FAM178B: variants seen among roughly 807,000 people sequenced by gnomAD.
The protein encoded by FAM178B is family with sequence similarity 178 member B.
FAM178B carries 82 observed loss-of-function variants against 91.7 expected under a neutral mutation model. The observed-to-expected ratio is 0.89, with a 90% confidence interval of 0.75 to 1.07. The LOEUF is 1.07. Ranked by LOEUF, FAM178B falls within the 50% of genes least tolerant of loss-of-function variation. The pLI is 0.00. For missense variants in FAM178B, 769 were observed against 846.7 expected (o/e 0.91, Z 1.14); for synonymous variants, 368 against 359.4 (o/e 1.02, Z -0.27).
At chr2:96,949,115 C>T (rs1176023148) in intron 7 of FAM178B, among the ~76,000 whole-genome samples, 3 of 152,206 alleles carry the variant, frequency 2.0e-5, no homozygotes, top group Non-Finnish European at 4.4e-5. Context: ...TCCACTCTCC[C>T]GGCAAGGCTG....
chr2:96,921,146 G>A lies in FAM178B; in HGVS notation c.1562+19C>T, dbSNP rs1381066748. On this transcript the variant is annotated intron_variant, in intron 12 of 16. Transcript: ENST00000490605. ...AGATGCGTGTGAGAGGGAGGAGGCAGCGGGGGAGCAGCACGCACCTGCTCC... is the reference window on the plus strand; with the variant it reads ...AGATGCGTGTGAGAGGGAGGAGGCAACGGGGGAGCAGCACGCACCTGCTCC... The A allele has an allele frequency of 6.5e-7, 1 of 1,542,370 alleles. No individual in the cohort carries two copies. The highest frequency in any genetic ancestry group is 1.2e-5 in the South Asian group (1 of 83,834).
At position 96,967,574 on chromosome 2, in the gene FAM178B, T is replaced by C; in HGVS notation, c.680A>G (p.Asn227Ser). 2 of 1,550,786 alleles carry C rather than the reference T, an allele frequency of 1.3e-6. No homozygotes were observed. Among genetic ancestry groups the C allele is most frequent in the Non-Finnish European group, 1.7e-6 (2 of 1,146,948 alleles). ...TTCATCAAGATCCAAGGAGTTGAGA[T>C]TGAGACACTCCTGCAGAAGCAGCCT... ...RERLLLQECL[N>S]LNSLDLDEEE... Residue 227 changes from asparagine (N) to serine (S), a missense_variant, in exon 5 of 17, where the codon AAT becomes AGT. By Grantham distance (46) the Asn-to-Ser change is conservative. Coordinates refer to ENST00000490605, the MANE Select transcript of FAM178B (RefSeq NM_001122646.3).
chr2:96,966,965 C>T (rs2082151008), intron 5 of FAM178B, among the ~76,000 whole-genome samples: 3 of 152,184 alleles, frequency 2.0e-5, no homozygotes, highest in Admixed American at 1.3e-4. Context: ...CAGTCTATGG[C>T]CCTTTGTTCT....
In FAM178B at chr2:96,877,910, G is replaced by A. The variant is rs1327513246; in HGVS notation, c.1987C>T (p.Leu663=). Residue 663 remains leucine (L), a synonymous_variant, in exon 16 of 17, where the codon CTG becomes TTG. Transcript: ENST00000490605. ...TQTYIRWQEL[L]THCQPQAQYF... ...ACCACCTGGGGCTGGCAGTGGGTCA[G>A]CAGCTCCTGCCAACGGATGTAGGTC... 2.4e-5 allele frequency: 38 copies of A among 1,613,344 alleles called. No individual in the cohort carries two copies. Among genetic ancestry groups the A allele is most frequent in the Non-Finnish European group, 3.2e-5 (38 of 1,180,016 alleles).
intron 9 of FAM178B, among the ~76,000 whole-genome samples, chr2:96,927,997 C>T (rs779556554): frequency 2.9e-4 from 44 of 152,174 alleles, no homozygotes; most frequent in South Asian, 6.2e-4. Flanking sequence ...CTGCGAGCTC[C>T]GGGAGGGAAA....
chr2:96,884,300 C>T (rs1385237665), intron 14 of FAM178B, among the ~76,000 whole-genome samples: 1 of 152,200 alleles, frequency 6.6e-6, no homozygotes, highest in Non-Finnish European at 1.5e-5. Context: ...GCAGGACAAG[C>T]TCCCCGGGTG....
intron 12 of FAM178B, among the ~76,000 whole-genome samples, chr2:96,909,842 T>C (rs371955945): frequency 3.3e-5 from 5 of 152,184 alleles, no homozygotes; most frequent in Non-Finnish European, 7.3e-5. Context: ...GTTCCATTAA[T>C]AGCCTCATCC....
intron 6 of FAM178B, chr2:96,951,874 A>C (rs1417492719): frequency 5.8e-6 from 1 of 173,102 alleles, no homozygotes; most frequent in African/African-American, 2.4e-5. Flanking sequence ...TACAAAAATT[A>C]GCCAGGCATG....
At position 96,972,106 on chromosome 2, in the gene FAM178B, G is replaced by A. The variant is rs750505400; in HGVS notation, c.359C>T (p.Pro120Leu). 25 of 1,523,112 alleles carry A rather than the reference G, an allele frequency of 1.6e-5. No individual in the cohort carries two copies. The highest frequency in any genetic ancestry group is 1.2e-4 in the African/African-American group (9 of 72,180). 94.3% of individuals were successfully genotyped at this position (1,523,112 alleles called of 1,614,324 possible). Residue 120 changes from proline to leucine, a missense_variant, in exon 3 of 17, where the codon CCG becomes CTG. Pro to Leu is a moderately conservative substitution (Grantham distance 98). Transcript: ENST00000490605. ...WSPPPVEFLN[P>L]RVLQASREAP... ...CTCCCGACTGGCCTGCAGCACCCTCGGGTTGAGGAATTCCACGGGCGGGGG... is the reference window on the plus strand; with the variant it reads ...CTCCCGACTGGCCTGCAGCACCCTCAGGTTGAGGAATTCCACGGGCGGGGG...
intron 14 of FAM178B, among the ~76,000 whole-genome samples, chr2:96,886,508 G>A (rs956475720): frequency 2.0e-5 from 3 of 152,240 alleles, no homozygotes; most frequent in Non-Finnish European, 4.4e-5. Context: ...GAGCCTGCCT[G>A]GGAAGGCGCC....
chr2:96,893,697 G>A (rs931538396), intron 14 of FAM178B, among the ~76,000 whole-genome samples: 1 of 152,062 alleles, frequency 6.6e-6, no homozygotes, highest in Non-Finnish European at 1.5e-5. Flanking sequence ...CTACACCTGC[G>A]CACAGGGCGT....
At chr2:96,967,911 CTTTTTTTT>C (rs60965536) in intron 4 of FAM178B, among the ~76,000 whole-genome samples, 22 of 62,444 alleles carry the variant, frequency 3.5e-4, no homozygotes, top group South Asian at 5.3e-4. Flanking sequence ...CCTGTTTGGT[CTTTTTTTT>C]TTTTTTTTTT....
At chr2:96,882,573 C>T (rs1197411869) in intron 14 of FAM178B, among the ~76,000 whole-genome samples, 1 of 152,246 alleles carries the variant, frequency 6.6e-6, no homozygotes, top group Non-Finnish European at 1.5e-5. Context: ...AGGCACGGTT[C>T]ATCTTCCCTT....
chr2:96,982,545 G>T (rs1031419061), intron 1 of FAM178B, among the ~76,000 whole-genome samples: 1 of 152,008 alleles, frequency 6.6e-6, no homozygotes, highest in Non-Finnish European at 1.5e-5. Flanking sequence ...TTACAGGCAT[G>T]AGCCACCGCA....
intron 14 of FAM178B, among the ~76,000 whole-genome samples, chr2:96,882,613 A>C (rs1329153777): frequency 6.6e-6 from 1 of 152,242 alleles, no homozygotes; most frequent in South Asian, 2.1e-4. Flanking sequence ...GGCTGAGCCC[A>C]GGCTGCACTC....
At chr2:96,977,383 T>A (rs1574325787) in intron 1 of FAM178B, among the ~76,000 whole-genome samples, 2 of 66,612 alleles carry the variant, frequency 3.0e-5, no homozygotes, top group Admixed American at 2.1e-4. Flanking sequence ...AGACTCCGTC[T>A]CAAAAAAAAA....
In FAM178B at chr2:96,947,911, A is replaced by G. The variant is rs1296485084; in HGVS notation, c.994-9T>C. On this transcript the variant is annotated splice_polypyrimidine_tract_variant and intron_variant, in intron 7 of 16. Transcript: ENST00000490605. ...GGAGGCCATGTCAGCAGCTAGGTGG[A>G]AAAAAAAAACAAAAACAAAAACCTG... 7 of 1,391,592 alleles carry G rather than the reference A, an allele frequency of 5.0e-6. No homozygotes were observed. The Admixed American group carries it at 1.1e-4, about 23-fold the overall frequency. The allele number at this position is 1,391,592 out of a possible 1,614,324, so 86.2% of individuals were successfully genotyped here. A position where few individuals can be genotyped will look rare whatever the true frequency, so the allele number is the denominator to read the frequency against.
chr2:96,890,482 T>C (rs1201893403), intron 14 of FAM178B, among the ~76,000 whole-genome samples: 1 of 151,828 alleles, frequency 6.6e-6, no homozygotes, highest in Admixed American at 6.6e-5. Context: ...AAAGAGTGAA[T>C]AGGCCATGAC....
chr2:96,884,974 G>A (rs2080480699), intron 14 of FAM178B, among the ~76,000 whole-genome samples: 1 of 152,226 alleles, frequency 6.6e-6, no homozygotes, highest in African/African-American at 2.4e-5. Flanking sequence ...CCTAACCTAG[G>A]GTCCCAGAAG....
Sources: gnomAD v4.1 joint callset for allele counts (sites outside exome capture counted in the v4.1 genomes callset) on GRCh38, gnomAD v4.1.1 for gene constraint, MANE v1.5 for transcripts, NCBI Gene and HGNC (gene_info 2026-07-23, HGNC 2026-07-21) for gene names.